The following MANBAL variants were observed in gnomAD, a reference collection of about 807,000 sequenced individuals.
MANBAL encodes protein MANBAL.
A neutral mutation model predicts 6.4 loss-of-function variants in MANBAL; 1 was observed. That is an observed-to-expected ratio of 0.16 (90% CI 0.06 to 0.74). MANBAL has a LOEUF of 0.74. Ranked by LOEUF, MANBAL falls within the 30% of genes least tolerant of loss-of-function variation. The probability of loss-of-function intolerance (pLI) is 0.78; values close to 1 mark genes in which losing one functional copy is unlikely to be tolerated. For missense variants in MANBAL, 100 were observed against 107.8 expected, an observed-to-expected ratio of 0.93 and a Z score of 0.32; for synonymous variants, 47 against 45.8, an observed-to-expected ratio of 1.03 and a Z score of -0.10.
Position 37,306,836 on chromosome 20 carries a change from C to T in MANBAL, c.150+5423C>T, listed in dbSNP as rs78397266. 7.3e-3 allele frequency among the ~76,000 whole-genome samples: 1,111 copies of T among 152,258 alleles called. 16 individuals are homozygous for T. Among genetic ancestry groups the T allele is most frequent in the African/African-American group, 0.024 (1,006 of 41,532 alleles). On this transcript the variant is annotated intron_variant, in intron 2 of 2. Coordinates refer to ENST00000373606, the MANE Select transcript of MANBAL (RefSeq NM_001003897.2). ...AGCTGGGATTAGAGAATGACAGTGCCGGTCCTTGGACTGGCCAATGATTCT... is the reference window on the plus strand; with the variant it reads ...AGCTGGGATTAGAGAATGACAGTGCTGGTCCTTGGACTGGCCAATGATTCT...
chr20:37,314,987 G>A (rs771027190), intron 2 of MANBAL, among the ~76,000 whole-genome samples: 2 of 152,210 alleles, frequency 1.3e-5, no homozygotes, highest in Admixed American at 6.5e-5. Flanking sequence ...ATCTGGAAGT[G>A]TCCCCCCTCC....
At chr20:37,311,454 G>C (rs1387050064) in intron 2 of MANBAL, among the ~76,000 whole-genome samples, 1 of 152,166 alleles carries the variant, frequency 6.6e-6, no homozygotes, top group Non-Finnish European at 1.5e-5. Flanking sequence ...TGGGATTGTT[G>C]TTGTCATTGT....
At chr20:37,290,074 C>T (rs1441924876) in intron 1 of MANBAL, among the ~76,000 whole-genome samples, 1 of 152,216 alleles carries the variant, frequency 6.6e-6, no homozygotes, top group Non-Finnish European at 1.5e-5. Flanking sequence ...CACGGTTCCT[C>T]TCTGGCCCTC....
At chr20:37,309,798 C>G (rs1023802698) in intron 2 of MANBAL, among the ~76,000 whole-genome samples, 3 of 152,080 alleles carry the variant, frequency 2.0e-5, no homozygotes, top group Admixed American at 6.6e-5. Flanking sequence ...TGAGGCCTGC[C>G]GTAAATAAAT....
intron 2 of MANBAL, among the ~76,000 whole-genome samples, chr20:37,301,768 A>G (rs2069142950): frequency 6.6e-6 from 1 of 152,194 alleles, no homozygotes; most frequent in Non-Finnish European, 1.5e-5. Flanking sequence ...CAAGGGGGAG[A>G]GAGACCTGAT....
chr20:37,289,955 G>T (rs117012327), intron 1 of MANBAL, among the ~76,000 whole-genome samples: 9 of 152,230 alleles, frequency 5.9e-5, no homozygotes, highest in African/African-American at 2.2e-4. Flanking sequence ...GCTCCTCATG[G>T]CCTGGTCCGG....
At chr20:37,300,569 A>C (rs994917463) in intron 1 of MANBAL, among the ~76,000 whole-genome samples, 3 of 152,184 alleles carry the variant, frequency 2.0e-5, no homozygotes, top group Admixed American at 2.0e-4. Flanking sequence ...GTATTCAAGA[A>C]ATATTTGTTG....
intron 2 of MANBAL, among the ~76,000 whole-genome samples, chr20:37,302,851 T>G (rs117760388): frequency 6.6e-6 from 1 of 152,304 alleles, no homozygotes; most frequent in Non-Finnish European, 1.5e-5. Flanking sequence ...TCTTTGTTCT[T>G]TGTCATACTT....
At chr20:37,310,522 C>A (rs1386194546) in intron 2 of MANBAL, among the ~76,000 whole-genome samples, 2 of 152,140 alleles carry the variant, frequency 1.3e-5, no homozygotes, top group Admixed American at 6.5e-5. Context: ...GAGTGGCCTG[C>A]GTAGAATGAC....
chr20:37,308,973 C>T (rs1037678106), intron 2 of MANBAL, among the ~76,000 whole-genome samples: 1 of 152,214 alleles, frequency 6.6e-6, no homozygotes, highest in African/African-American at 2.4e-5. Context: ...GGTCCTTTCA[C>T]TTCTACTCTG....
chr20:37,310,603 T>C (rs757883342), intron 2 of MANBAL, among the ~76,000 whole-genome samples: 1 of 152,218 alleles, frequency 6.6e-6, no homozygotes, highest in Non-Finnish European at 1.5e-5. Context: ...TCAATGCACT[T>C]TTCATGCTGG....
intron 2 of MANBAL, among the ~76,000 whole-genome samples, chr20:37,314,260 GA>G (rs1419409594): frequency 1.3e-5 from 2 of 152,214 alleles, no homozygotes; most frequent in Admixed American, 1.3e-4. Context: ...CCACCAGTGG[GA>G]GGAGGGCCGG....
At chr20:37,306,354 T>C (rs933768770) in intron 2 of MANBAL, among the ~76,000 whole-genome samples, 13 of 152,238 alleles carry the variant, frequency 8.5e-5, no homozygotes, top group Non-Finnish European at 1.8e-4. Flanking sequence ...GACTTCAGTA[T>C]TTCAATACTT....
chr20:37,307,485 AGCATT>A (rs1273869182), intron 2 of MANBAL, among the ~76,000 whole-genome samples: 4 of 152,128 alleles, frequency 2.6e-5, no homozygotes, highest in African/African-American at 9.7e-5. Context: ...TTATTAACAG[AGCATT>A]ATGATGCCTG....
chr20:37,298,700 T>A (rs2069059862), intron 1 of MANBAL: 1 of 152,192 alleles, frequency 6.6e-6, no homozygotes, highest in African/African-American at 2.4e-5. Context: ...TGAATAATGC[T>A]GCTATGAACA....
chr20:37,301,621 C>T (rs1353921124), intron 2 of MANBAL, among the ~76,000 whole-genome samples: 1 of 152,184 alleles, frequency 6.6e-6, no homozygotes, highest in African/African-American at 2.4e-5. Flanking sequence ...TTATTTAGTG[C>T]CTACTACATT....
At position 37,289,698 on chromosome 20, in the gene MANBAL, A is replaced by C. The variant is rs1243033130; in HGVS notation, c.-57+12A>C. 1.3e-5 allele frequency: 2 copies of C among 152,340 alleles called. No individual in the cohort carries two copies. Among genetic ancestry groups the C allele is most frequent in the Non-Finnish European group, 2.9e-5 (2 of 68,156 alleles). The allele number at this position is 152,340 out of a possible 1,614,324, so 9.4% of individuals were successfully genotyped here. A position where few individuals can be genotyped will look rare whatever the true frequency, so the allele number is the denominator to read the frequency against. On this transcript the variant is annotated intron_variant, in intron 1 of 2. Coordinates refer to ENST00000373606, the MANE Select transcript of MANBAL (RefSeq NM_001003897.2). Reference sequence around the variant, plus strand: ...CGGCGGCGCGGGAGGTGAGTGCCGCAGCTTTGCGGTGGGGTGGGAACCGAG... The same window carrying C: ...CGGCGGCGCGGGAGGTGAGTGCCGCCGCTTTGCGGTGGGGTGGGAACCGAG...
At chr20:37,306,213 A>G (rs969528854) in intron 2 of MANBAL, among the ~76,000 whole-genome samples, 1 of 152,378 alleles carries the variant, frequency 6.6e-6, no homozygotes, top group Non-Finnish European at 1.5e-5. Context: ...TGCTTAGCCT[A>G]TAGAAACAGG....
rs1341433314 is a variant in MANBAL, at chr20:37,308,570, TCA to T, written c.150+7158_150+7159del. On this transcript the variant is annotated intron_variant, in intron 2 of 2. Coordinates refer to ENST00000373606, the MANE Select transcript of MANBAL (RefSeq NM_001003897.2). ...AGGTTTGAGGGGTCTGTGATCCCCC[TCA>T]AATTGTGTACAAGAATGTGAGGTTT... 2.0e-5 allele frequency among the ~76,000 whole-genome samples: 3 copies of T among 152,116 alleles called. No homozygotes were observed. The East Asian group carries it at 5.8e-4, about 29-fold the overall frequency.
Sources: allele counts gnomAD v4.1 joint callset (sites outside exome capture counted in the v4.1 genomes callset), GRCh38; gene constraint gnomAD v4.1.1; transcripts MANE v1.5; gene names NCBI Gene and HGNC (gene_info 2026-07-23, HGNC 2026-07-21).